Variants in ANAPC5 observed in about 807,000 individuals in gnomAD.
ANAPC5 encodes the protein anaphase promoting complex subunit 5.
ANAPC5 carries 60 observed loss-of-function variants against 91.3 expected under a neutral mutation model. That is an observed-to-expected ratio of 0.66 (90% CI 0.53 to 0.81). The LOEUF (loss-of-function observed/expected upper bound fraction) is 0.81. Among genes scored for constraint, ANAPC5 ranks in the 40% least tolerant of loss-of-function variants. ANAPC5 has a pLI of 0.00. For missense variants in ANAPC5, 690 were observed against 931.5 expected (o/e 0.74, Z 3.37); for synonymous variants, 340 against 364.1 (o/e 0.93, Z 0.75).
At chr12:121,323,304 T>G (rs1271843180) in intron 11 of ANAPC5, among the ~76,000 whole-genome samples, 1 of 152,154 alleles carries the variant, frequency 6.6e-6, no homozygotes, top group South Asian at 2.1e-4. Flanking sequence ...ATGACTTTTT[T>G]ATACTCTTAT....
intron 5 of ANAPC5, among the ~76,000 whole-genome samples, chr12:121,341,342 C>T (rs1480671029): frequency 4.0e-5 from 6 of 151,844 alleles, no homozygotes; most frequent in South Asian, 4.2e-4. Flanking sequence ...TGGTGGTGCA[C>T]GCCTGTAATC....
Position 121,346,957 on chromosome 12 carries a change from A to G in ANAPC5, c.336T>C (p.Phe112=), listed in dbSNP as rs1555274763. 2 of 1,612,172 alleles carry G rather than the reference A, an allele frequency of 1.2e-6. No homozygotes were observed. Among genetic ancestry groups the G allele is most frequent in the East Asian group, 4.5e-5 (2 of 44,726 alleles). ...EGELKDMEQF[F]DDLSDSFSGT... is the part of the protein sequence containing the mutation. ...CAGAGAAAGAATCTGAAAGGTCATC[A>G]AAAAACTGTTCCATATCCTTCAACT... Residue 112 remains phenylalanine (F), a synonymous_variant, in exon 3 of 17, where the codon TTT becomes TTC. Coordinates refer to ENST00000261819, the MANE Select transcript of ANAPC5 (RefSeq NM_016237.5).
Position 121,345,855 on chromosome 12 carries a change from G to A in ANAPC5, c.574C>T (p.Leu192Phe). The A allele has an allele frequency of 6.2e-7, 1 of 1,613,316 alleles. No individual in the cohort carries two copies. The highest frequency in any genetic ancestry group is 1.1e-5 in the South Asian group (1 of 90,880). Reference protein sequence around the residue: ...EGERKMEKEELDVSVREEEVS... With the variant: ...EGERKMEKEEFDVSVREEEVS... ...CCAAATTACCTTACAGATACATCAA[G>A]TTCTTCTTTTTCCATTTTTCTTTCA... The change falls in exon 4 of 17, where the codon CTT (leucine) becomes TTT (phenylalanine). Residue 192 changes from leucine to phenylalanine, a missense_variant. Coordinates refer to ENST00000261819, the MANE Select transcript of ANAPC5 (RefSeq NM_016237.5).
intron 13 of ANAPC5, 74 bp downstream of exon 13, chr12:121,319,623 T>C: frequency 7.0e-7 from 1 of 1,427,342 alleles, no homozygotes; most frequent in Non-Finnish European, 9.4e-7. Flanking sequence ...AATAAATTAA[T>C]GCACATATAA....
rs1336405224 is a variant in ANAPC5 at position 121,327,137 on chromosome 12, C to A, written c.1399G>T (p.Ala467Ser). Residue 467 changes from alanine to serine, a missense_variant, in exon 11 of 17, where the codon GCT becomes TCT. By Grantham distance (99) the Ala-to-Ser change is moderately conservative (BLOSUM62 1). Transcript: ENST00000261819. ...TCTGCGAGGTGGCAGAGTGCGACAG[C>A]AAAGGACTCTGTGTTGTTCTGCTGC... ...GVQQNNTESF[A>S]VALCHLAELH... The A allele has an allele frequency of 4.3e-6, 7 of 1,612,422 alleles. No individual in the cohort carries two copies. The highest frequency in any genetic ancestry group is 5.9e-6 in the Non-Finnish European group (7 of 1,179,812).
At chr12:121,330,189 C>T (rs1902989968) in intron 9 of ANAPC5, among the ~76,000 whole-genome samples, 1 of 152,138 alleles carries the variant, frequency 6.6e-6, no homozygotes, top group Admixed American at 6.5e-5. Context: ...GTAAAATCCA[C>T]TCAGCCTGAA....
intron 5 of ANAPC5, among the ~76,000 whole-genome samples, chr12:121,341,580 T>C (rs1903460947): frequency 2.0e-5 from 3 of 152,264 alleles, no homozygotes; most frequent in Middle Eastern, 3.4e-3. Context: ...AAATGGTGGC[T>C]GAATAGAGAG....
intron 15 of ANAPC5, among the ~76,000 whole-genome samples, chr12:121,312,785 CAGG>C (rs1255485979): frequency 6.7e-6 from 1 of 148,648 alleles, no homozygotes; most frequent in African/African-American, 2.5e-5. Flanking sequence ...GAGGCTGAGG[CAGG>C]AGAATTGTTT....
At chr12:121,346,552 G>A (rs1903673384) in intron 3 of ANAPC5, 1 of 204,692 alleles carries the variant, frequency 4.9e-6, no homozygotes. Flanking sequence ...TATCAATAAT[G>A]TATTTTTACT....
At chr12:121,341,857 G>C in intron 5 of ANAPC5, 146 bp downstream of exon 5, 2 of 510,052 alleles carry the variant, frequency 3.9e-6, no homozygotes, top group Non-Finnish European at 6.8e-6. Flanking sequence ...TCGTTAGTGA[G>C]GCAGAGGGGA....
rs777440266 is a variant in ANAPC5 at position 121,318,393 on chromosome 12, G to A, written c.1777C>T (p.Arg593Ter). Residue 593 changes from arginine (R) to a stop codon, truncating the protein, a stop_gained, in exon 15 of 17, where the codon CGA becomes TGA. Transcript: ENST00000261819. LOFTEE classifies it high-confidence loss of function. Reference sequence around the variant, plus strand: ...AGCGCGATGGTAGGGGAGGAAGATCGCCAGTACAGCTCTGCCACGGACAGT... The same window carrying A: ...AGCGCGATGGTAGGGGAGGAAGATCACCAGTACAGCTCTGCCACGGACAGT... ...VLLSVAELYW[R>*]SSSPTIALPM... 8.7e-6 allele frequency: 14 copies of A among 1,611,676 alleles called. No individual in the cohort carries two copies. Among genetic ancestry groups the A allele is most frequent in the Non-Finnish European group, 1.1e-5 (13 of 1,178,936 alleles).
chr12:121,312,706 CA>C (rs34791908), intron 15 of ANAPC5, among the ~76,000 whole-genome samples: 254 of 51,818 alleles, frequency 4.9e-3, no homozygotes, highest in Middle Eastern at 0.029. Flanking sequence ...GACTCTGTCA[CA>C]AAAAAAAAAA....
intron 2 of ANAPC5, chr12:121,347,549 T>G (rs1371332385): frequency 3.4e-5 from 15 of 434,904 alleles, no homozygotes; most frequent in African/African-American, 2.9e-4. Context: ...GAAGATCACC[T>G]GAGCTCAGGA....
At chr12:121,321,991 G>C (rs894916688) in intron 11 of ANAPC5, among the ~76,000 whole-genome samples, 13 of 150,614 alleles carry the variant, frequency 8.6e-5, no homozygotes, top group African/African-American at 2.9e-4. Context: ...TCAGCCTCCT[G>C]AGTAGCTGGG....
intron 11 of ANAPC5, among the ~76,000 whole-genome samples, chr12:121,326,827 T>G (rs1555272294): frequency 6.6e-6 from 1 of 152,200 alleles, no homozygotes; most frequent in East Asian, 1.9e-4. Flanking sequence ...CTACCTTAAA[T>G]GTCAAAGAAT....
chr12:121,308,536 G>A lies in ANAPC5; in HGVS notation c.2212C>T (p.Arg738Trp), dbSNP rs758423114. 9.3e-6 allele frequency: 15 copies of A among 1,613,988 alleles called. No individual in the cohort carries two copies. The highest frequency in any genetic ancestry group is 4.5e-5 in the East Asian group (2 of 44,878). ...QERNRCAMLF[R>W]QLHQELPSHG... ...GAGGGCAGCTCCTGATGCAGCTGCC[G>A]GAAGAGCATCGCACACCGGTTCCTC... Residue 738 changes from arginine to tryptophan, a missense_variant, in exon 17 of 17, where the codon CGG becomes TGG. Physicochemically the swap from Arg to Trp is moderately radical, Grantham distance 101 (BLOSUM62 -3). Around this residue, in one of 5 missense-constraint regions of ANAPC5, gnomAD observed 317 missense variants for 438.7 expected, o/e 0.72. Transcript: ENST00000261819.
At chr12:121,329,762 T>C (rs1469962396) in intron 9 of ANAPC5, among the ~76,000 whole-genome samples, 12 of 152,024 alleles carry the variant, frequency 7.9e-5, no homozygotes, top group Admixed American at 7.9e-4. Context: ...ATCACAGGCA[T>C]GTCCCACCAC....
At chr12:121,336,766 C>T (rs782014585) in intron 6 of ANAPC5, among the ~76,000 whole-genome samples, 1 of 152,168 alleles carries the variant, frequency 6.6e-6, no homozygotes, top group Non-Finnish European at 1.5e-5. Flanking sequence ...AGGATGATGA[C>T]TGAAAGAGAA....
intron 11 of ANAPC5, among the ~76,000 whole-genome samples, chr12:121,321,933 T>G (rs192001770): frequency 2.0e-5 from 3 of 151,888 alleles, no homozygotes; most frequent in Admixed American, 2.0e-4. Flanking sequence ...TGGCATGATC[T>G]CAGCTCACTG....
Sources: allele counts gnomAD v4.1 joint callset (sites outside exome capture counted in the v4.1 genomes callset), GRCh38; gene constraint gnomAD v4.1.1; regional missense constraint gnomAD v4.1.1; transcripts MANE v1.5; gene names NCBI Gene and HGNC (gene_info 2026-07-23, HGNC 2026-07-21).